The following PPA2 variants were observed in gnomAD, a reference collection of about 807,000 sequenced individuals.
The protein encoded by PPA2 is inorganic pyrophosphatase 2, also known as inorganic pyrophosphatase 2, mitochondrial.
A neutral mutation model predicts 49.5 loss-of-function variants in PPA2; 48 were observed. The ratio of observed to expected loss-of-function variants is 0.97; its 90% CI spans 0.77 to 1.23. The LOEUF is 1.23. Among genes scored for constraint, PPA2 ranks in the 50% most tolerant of loss-of-function variants. The pLI, the probability that PPA2 is intolerant of heterozygous loss-of-function variation, is 0.00. For missense variants in PPA2, 429 were observed against 410.1 expected, an observed-to-expected ratio of 1.05 and a Z score of -0.40; for synonymous variants, 131 against 139.9, an observed-to-expected ratio of 0.94 and a Z score of 0.45.
Position 105,449,375 on chromosome 4 carries a change from G to A in PPA2, c.296C>T (p.Pro99Leu). The A allele has an allele frequency of 6.3e-7, 1 of 1,576,050 alleles. No individual in the cohort carries two copies. The highest frequency in any genetic ancestry group is 8.7e-7 in the Non-Finnish European group (1 of 1,152,898). Residue 99 changes from proline to leucine, a missense_variant, in exon 4 of 12, where the codon CCT becomes CTT. Coordinates refer to ENST00000341695, the MANE Select transcript of PPA2 (RefSeq NM_176869.3). The stretch of plus-strand genomic sequence containing the variant: ...CTCCATTTTAGCATTTGTCCACCGA[G>A]GTATTTCTACAATCATATTAAACAG... ...ENLFNMIVEI[P>L]RWTNAKMEIA...
intron 1 of PPA2, among the ~76,000 whole-genome samples, chr4:105,468,945 G>A (rs557372090): frequency 4.1e-4 from 62 of 152,266 alleles, no homozygotes; most frequent in Admixed American, 4.1e-3. Flanking sequence ...CAGCAGCTCG[G>A]CTTTTCCCTA....
At chr4:105,417,301 AG>A in intron 7 of PPA2, among the ~76,000 whole-genome samples, 1 of 152,174 alleles carries the variant, frequency 6.6e-6, no homozygotes. Context: ...AAGATAATTT[AG>A]GTCTTTTTAC....
chr4:105,433,667 T>C (rs770270802), intron 6 of PPA2, among the ~76,000 whole-genome samples: 14 of 152,198 alleles, frequency 9.2e-5, no homozygotes, highest in Non-Finnish European at 1.8e-4. Flanking sequence ...CCCTCTACAG[T>C]TGAGGTCTCA....
At chr4:105,433,069 A>T (rs1723885634) in intron 6 of PPA2, among the ~76,000 whole-genome samples, 1 of 152,218 alleles carries the variant, frequency 6.6e-6, no homozygotes, top group South Asian at 2.1e-4. Context: ...TACTATAAGC[A>T]TCAGTATTAA....
rs530819444 is a variant in PPA2 at position 105,435,497 on chromosome 4, T to TA, written c.528+2452dup. On this transcript the variant is annotated intron_variant, in intron 6 of 11. Coordinates refer to ENST00000341695, the MANE Select transcript of PPA2 (RefSeq NM_176869.3). ...CGCAACATCAGAGCACCCGGATTCA[T>TA]AAAAAAACTACTACTAAACCTAAGA... Among the ~76,000 whole-genome samples the TA allele has an allele frequency of 9.7e-4, 147 of 152,170 alleles. 3 individuals carry two copies. The South Asian group carries it at 0.03, about 31-fold the overall frequency.
At chr4:105,453,522 C>A in intron 3 of PPA2, 76 bp downstream of exon 3, 2 of 1,145,652 alleles carry the variant, frequency 1.7e-6, no homozygotes, top group Non-Finnish European at 2.4e-6. Context: ...AATCATTTTA[C>A]AAATGCAAAC....
At chr4:105,446,017 A>G (rs1442358744) in intron 5 of PPA2, among the ~76,000 whole-genome samples, 1 of 152,160 alleles carries the variant, frequency 6.6e-6, no homozygotes, top group African/African-American at 2.4e-5. Context: ...AATTTGTGCT[A>G]TCATATATGA....
chr4:105,382,213 A>G (rs955387267), intron 10 of PPA2, among the ~76,000 whole-genome samples: 1 of 151,964 alleles, frequency 6.6e-6, no homozygotes, highest in Non-Finnish European at 1.5e-5. Context: ...TTTTCTTTTA[A>G]TATTTTCATA....
chr4:105,443,272 C>G (rs557288910), intron 5 of PPA2, among the ~76,000 whole-genome samples: 1 of 151,956 alleles, frequency 6.6e-6, no homozygotes, highest in Admixed American at 6.6e-5. Flanking sequence ...GGAAAGGACA[C>G]AGTGAAGGTG....
intron 1 of PPA2, chr4:105,473,663 G>C: frequency 1.3e-6 from 1 of 777,982 alleles, no homozygotes; most frequent in Non-Finnish European, 2.3e-6. Flanking sequence ...CGGCAGCCCT[G>C]CGCCTCTGCT....
intron 7 of PPA2, among the ~76,000 whole-genome samples, chr4:105,403,791 G>T (rs2110401536): frequency 1.3e-5 from 2 of 151,992 alleles, no homozygotes; most frequent in East Asian, 3.9e-4. Context: ...AAACGTTTAT[G>T]ACTTTTTTTT....
intron 6 of PPA2, among the ~76,000 whole-genome samples, chr4:105,426,373 G>T (rs1161444890): frequency 1.3e-5 from 2 of 152,184 alleles, no homozygotes; most frequent in African/African-American, 4.8e-5. Flanking sequence ...CCAAAGAAGG[G>T]CAGGATGTTG....
chr4:105,416,449 A>G (rs1032725321), intron 7 of PPA2, among the ~76,000 whole-genome samples: 1 of 152,216 alleles, frequency 6.6e-6, no homozygotes, highest in African/African-American at 2.4e-5. Context: ...AGGAGTTTCC[A>G]CTTTACTAAA....
intron 7 of PPA2, among the ~76,000 whole-genome samples, chr4:105,416,479 T>G (rs1723016180): frequency 6.6e-6 from 1 of 152,192 alleles, no homozygotes; most frequent in African/African-American, 2.4e-5. Flanking sequence ...GTTGATTCAT[T>G]TGCACAACAC....
intron 10 of PPA2, among the ~76,000 whole-genome samples, chr4:105,378,306 T>C (rs969026122): frequency 7.2e-5 from 11 of 152,158 alleles, no homozygotes; most frequent in African/African-American, 2.4e-4. Context: ...TGAGCATCAC[T>C]TCATGTGTTT....
intron 9 of PPA2, 76 bp from the exon 10 acceptor site, chr4:105,386,712 T>C (rs928347581): frequency 1.9e-6 from 2 of 1,068,400 alleles, no homozygotes; most frequent in Non-Finnish European, 2.8e-6. Flanking sequence ...AAAAACTAAC[T>C]CCAAATACTC....
At chr4:105,391,833 G>A (rs1733933567) in intron 9 of PPA2, among the ~76,000 whole-genome samples, 1 of 151,958 alleles carries the variant, frequency 6.6e-6, no homozygotes, top group Admixed American at 6.6e-5. Flanking sequence ...GATAATTCTG[G>A]CAGTATTGTA....
At position 105,415,656 on chromosome 4, in the gene PPA2, C is replaced by T. The variant is rs145426927; in HGVS notation, c.655+8540G>A. Among the ~76,000 whole-genome samples, 25 of 152,184 alleles carry T rather than the reference C, an allele frequency of 1.6e-4. No individual in the cohort carries two copies. The East Asian group carries it at 4.7e-3, about 28-fold the overall frequency. ...AGGTGGTGATCCCACCCTGCCAACT[C>T]GGAAGGGGGTGGGGCTCCCACCTGT... is the stretch of plus-strand genomic sequence containing the variant. On this transcript the variant is annotated intron_variant, in intron 7 of 11. Coordinates refer to ENST00000341695, the MANE Select transcript of PPA2 (RefSeq NM_176869.3).
chr4:105,395,845 T>C (rs994359466), intron 9 of PPA2, among the ~76,000 whole-genome samples: 5 of 152,196 alleles, frequency 3.3e-5, no homozygotes, highest in African/African-American at 1.2e-4. Context: ...TTAAATTAAA[T>C]GTTTATGTTA....
Sources: allele counts gnomAD v4.1 joint callset (sites outside exome capture counted in the v4.1 genomes callset), GRCh38; gene constraint gnomAD v4.1.1; transcripts MANE v1.5; gene names NCBI Gene and HGNC (gene_info 2026-07-23, HGNC 2026-07-21).